MTRR: variants seen among roughly 807,000 people sequenced by gnomAD.
The protein encoded by MTRR is 5-methyltetrahydrofolate-homocysteine methyltransferase reductase, also known as methionine synthase reductase.
MTRR carries 63 observed loss-of-function variants against 79.2 expected under a neutral mutation model. The ratio of observed to expected loss-of-function variants is 0.80; its 90% CI spans 0.65 to 0.98. MTRR has a LOEUF of 0.98. Ranked by LOEUF, MTRR falls within the 50% of genes least tolerant of loss-of-function variation. MTRR has a pLI of 0.00. For missense variants in MTRR, 895 were observed against 839.6 expected (o/e 1.07, Z -0.82); for synonymous variants, 355 against 313.3 (o/e 1.13, Z -1.41).
Position 7,900,664 on chromosome 5 carries a change from A to G in MTRR, c.*606A>G, listed in dbSNP as rs1412530760. On this transcript the variant is annotated 3_prime_UTR_variant, in exon 15 of 15. Transcript: ENST00000440940. ...ATTTTTATGATGCTGGAAATATGAA[A>G]TGTATTTTAAAATTTCACTCTGGCA... 1 of 152,850 alleles carries G rather than the reference A, an allele frequency of 6.5e-6. No individual in the cohort carries two copies. The highest frequency in any genetic ancestry group is 2.4e-5 in the African/African-American group (1 of 41,444). 9.5% of individuals were successfully genotyped at this position (152,850 alleles called of 1,614,324 possible). A position where few individuals can be genotyped will look rare whatever the true frequency, so the allele number is the denominator to read the frequency against.
chr5:7,874,853 C>T (rs1748606370), intron 3 of MTRR, among the ~76,000 whole-genome samples: 1 of 152,144 alleles, frequency 6.6e-6, no homozygotes, highest in Admixed American at 6.5e-5. Flanking sequence ...CAAAGAAAGG[C>T]AGTGCATGGT....
At chr5:7,891,482 C>T (rs1035350237) in intron 10 of MTRR, 68 bp downstream of exon 10, 1 of 1,314,048 alleles carries the variant, frequency 7.6e-7, no homozygotes, top group Non-Finnish European at 1.1e-6. Flanking sequence ...GCTTCCAGAT[C>T]ATTAGAGTTT....
At chr5:7,852,747 T>G (rs537102610) in intron 1 of MTRR, among the ~76,000 whole-genome samples, 4 of 152,204 alleles carry the variant, frequency 2.6e-5, no homozygotes, top group Non-Finnish European at 5.9e-5. Context: ...TATGTTTTTT[T>G]TTTTTAAGCC....
chr5:7,873,067 G>A (rs943367304), intron 2 of MTRR, among the ~76,000 whole-genome samples: 3 of 152,270 alleles, frequency 2.0e-5, no homozygotes, highest in African/African-American at 7.2e-5. Flanking sequence ...ATGGAAACCT[G>A]GGATGGGTAC....
chr5:7,885,732 C>T lies in MTRR; in HGVS notation c.935C>T (p.Ala312Val). 1.2e-6 allele frequency: 2 copies of T among 1,613,154 alleles called. No individual in the cohort carries two copies. ...GACTTTTCCTATCAGCCTGGAGATG[C>T]CTTCAGCGTGATCTGCCCTAACAGT... ...NTDFSYQPGD[A>V]FSVICPNSDS... The change falls in exon 7 of 15, where the codon GCC (alanine) becomes GTC (valine). Residue 312 changes from alanine (A) to valine (V), a missense_variant. Transcript: ENST00000440940.
At chr5:7,899,786 G>A (rs1299163067) in intron 14 of MTRR, 128 bp from the exon 15 acceptor site, 1 of 1,235,064 alleles carries the variant, frequency 8.1e-7, no homozygotes, top group African/African-American at 1.5e-5. Flanking sequence ...AGATCTGTGT[G>A]AGATGTTCTG....
intron 14 of MTRR, among the ~76,000 whole-genome samples, chr5:7,899,668 G>A (rs991994749): frequency 2.6e-5 from 4 of 152,126 alleles, no homozygotes; most frequent in African/African-American, 9.7e-5. Flanking sequence ...CTACTGTCGG[G>A]ACCTGGAGCC....
intron 6 of MTRR, 34 bp from the exon 7 acceptor site, chr5:7,885,667 G>A (rs1334086949): frequency 1.5e-6 from 2 of 1,326,882 alleles, no homozygotes; most frequent in South Asian, 1.2e-5. Flanking sequence ...CACGTATAAT[G>A]TATTTTTTTT....
In MTRR at chr5:7,889,333, A is replaced by G; in HGVS notation, c.1327+58A>G. On this transcript the variant is annotated intron_variant, in intron 9 of 14. Transcript: ENST00000440940. The stretch of plus-strand genomic sequence containing the variant: ...CTGTTCGTGCACTGGTAGGCGGGCC[A>G]CCTTTCTGTAGTAAAGAAAATTTGC... The G allele has an allele frequency of 4.4e-6, 7 of 1,599,680 alleles. No individual in the cohort carries two copies. The South Asian group carries it at 7.7e-5, about 18-fold the overall frequency.
chr5:7,873,235 G>GGACT, intron 2 of MTRR, 138 bp from the exon 3 acceptor site: 2 of 1,019,138 alleles, frequency 2.0e-6, no homozygotes, highest in Middle Eastern at 3.1e-4. Flanking sequence ...CCTAGTCACT[G>GGACT]GACTGGTCGT....
rs749337272 is a variant in MTRR, at chr5:7,870,883, G to A, written c.89G>A (p.Gly30Glu). The A allele has an allele frequency of 1.9e-6, 3 of 1,614,208 alleles. No homozygotes were observed. Among genetic ancestry groups the A allele is most frequent in the South Asian group, 1.1e-5 (1 of 91,086 alleles). Reference protein sequence around the residue: ...EEICEQAVVHGFSADLHCISE... With the variant: ...EEICEQAVVHEFSADLHCISE... ...ATATGTGAGCAAGCTGTGGTACATG[G>A]ATTTTCTGCAGATCTTCACTGTATT... The change falls in exon 2 of 15, where the codon GGA (glycine) becomes GAA (glutamate). Residue 30 changes from glycine to glutamate, a missense_variant. By Grantham distance (98) the Gly-to-Glu change is moderately conservative (BLOSUM62 -2). Transcript: ENST00000440940.
chr5:7,900,040 T>G lies in MTRR; in HGVS notation c.2079T>G (p.Leu693=), dbSNP rs934399135. 1.9e-6 allele frequency: 3 copies of G among 1,613,660 alleles called. No individual in the cohort carries two copies. Residue 693 remains leucine, a synonymous_variant, in exon 15 of 15, where the codon CTT becomes CTG. Coordinates refer to ENST00000440940, the MANE Select transcript of MTRR (RefSeq NM_002454.3). Reference sequence around the variant, plus strand: ...CTTTAAAAGAAGAAAAACGCTACCTTCAGGATATTTGGTCATAAAACCAGA... The same window carrying G: ...CTTTAAAAGAAGAAAAACGCTACCTGCAGGATATTTGGTCATAAAACCAGA... ...LATLKEEKRY[L]QDIWS is the part of the protein sequence containing the mutation.
intron 7 of MTRR, among the ~76,000 whole-genome samples, chr5:7,886,094 A>G (rs564885927): frequency 5.9e-5 from 9 of 152,368 alleles, no homozygotes; most frequent in Admixed American, 3.3e-4. Flanking sequence ...ATTTGTGGAC[A>G]TGAAAACTGA....
At chr5:7,888,361 T>G (rs947365594) in intron 8 of MTRR, among the ~76,000 whole-genome samples, 1 of 152,232 alleles carries the variant, frequency 6.6e-6, no homozygotes, top group African/African-American at 2.4e-5. Flanking sequence ...ATTGTCACTG[T>G]TTTAGCTTTT....
chr5:7,889,922 C>A (rs1737266901), intron 9 of MTRR, among the ~76,000 whole-genome samples: 3 of 152,098 alleles, frequency 2.0e-5, no homozygotes, highest in Admixed American at 6.5e-5. Flanking sequence ...AGTCCTCATA[C>A]TCCAACAGAA....
intron 8 of MTRR, 53 bp from the exon 9 acceptor site, chr5:7,889,042 A>G (rs893078368): frequency 2.4e-5 from 38 of 1,606,020 alleles, no homozygotes; most frequent in Non-Finnish European, 3.1e-5. Flanking sequence ...TGAATATTCT[A>G]ATAGCTCTAC....
chr5:7,856,193 C>T (rs1264829590), intron 1 of MTRR, among the ~76,000 whole-genome samples: 1 of 152,188 alleles, frequency 6.6e-6, no homozygotes, highest in Non-Finnish European at 1.5e-5. Context: ...ACGTCTAGAG[C>T]TCTGCAATTG....
rs755787285 is a variant in MTRR at position 7,878,112 on chromosome 5, A to T, written c.570A>T (p.Gln190His). The T allele has an allele frequency of 6.2e-7, 1 of 1,614,070 alleles. No individual in the cohort carries two copies. Among genetic ancestry groups the T allele is most frequent in the Non-Finnish European group, 8.5e-7 (1 of 1,180,014 alleles). Residue 190 changes from glutamine to histidine, a missense_variant, in exon 5 of 15, where the codon CAA (glutamine) becomes CAT (histidine). Gln to His is a conservative substitution (Grantham distance 24). Coordinates refer to ENST00000440940, the MANE Select transcript of MTRR (RefSeq NM_002454.3). ...VKSELLHIES[Q>H]VELLRFDDSG... is the part of the protein sequence containing the mutation. ...CAGAGCTGCTACACATTGAATCTCA[A>T]GTCGAGCTTCTGAGATTCGATGATT...
chr5:7,875,794 T>C (rs1027321117), intron 4 of MTRR, among the ~76,000 whole-genome samples: 1 of 152,278 alleles, frequency 6.6e-6, no homozygotes, highest in Non-Finnish European at 1.5e-5. Context: ...AACACAGGTC[T>C]GTGGGCCTTC....
Sources: gnomAD v4.1 joint callset for allele counts (sites outside exome capture counted in the v4.1 genomes callset) on GRCh38, gnomAD v4.1.1 for gene constraint, MANE v1.5 for transcripts, NCBI Gene and HGNC (gene_info 2026-07-23, HGNC 2026-07-21) for gene names.